DLG2: variants seen among roughly 807,000 people sequenced by gnomAD.
DLG2 encodes disks large homolog 2.
In DLG2, 45 loss-of-function variants were observed where a neutral mutation model predicts 132.5. The observed-to-expected ratio is 0.34, with a 90% CI of 0.27 to 0.44. DLG2 has a LOEUF of 0.44. DLG2 is among the 20% of genes least tolerant of loss of function. The probability of loss-of-function intolerance (pLI) is 1.00; values close to 1 mark genes in which losing one functional copy is unlikely to be tolerated. For missense variants in DLG2, 1,045 were observed against 1,196.9 expected, an observed-to-expected ratio of 0.87 and a Z score of 1.87; for synonymous variants, 424 against 419.6, an observed-to-expected ratio of 1.01 and a Z score of -0.13.
intron 7 of DLG2, among the ~76,000 whole-genome samples, chr11:84,417,286 C>G (rs1042097744): frequency 6.6e-6 from 1 of 152,134 alleles, no homozygotes; most frequent in Non-Finnish European, 1.5e-5. Flanking sequence ...ATTCAACTTC[C>G]CCTCCTATAA....
At chr11:85,314,487 C>T (rs2080519730) in intron 3 of DLG2, among the ~76,000 whole-genome samples, 1 of 151,740 alleles carries the variant, frequency 6.6e-6, no homozygotes, top group African/African-American at 2.4e-5. Context: ...TACATGCACA[C>T]ACATATACAT....
intron 6 of DLG2, among the ~76,000 whole-genome samples, chr11:84,621,167 G>A (rs1391305802): frequency 2.6e-5 from 4 of 152,018 alleles, no homozygotes; most frequent in Admixed American, 2.6e-4. Context: ...ACTTGGAGGA[G>A]GGGCTTATGG....
intron 7 of DLG2, among the ~76,000 whole-genome samples, chr11:84,480,590 A>T (rs1478485040): frequency 6.6e-6 from 1 of 152,138 alleles, no homozygotes; most frequent in Non-Finnish European, 1.5e-5. Context: ...TAATCCCATT[A>T]TTGGTATGAA....
At chr11:84,946,977 C>T (rs1441023013) in intron 6 of DLG2, among the ~76,000 whole-genome samples, 2 of 152,160 alleles carry the variant, frequency 1.3e-5, no homozygotes, top group East Asian at 3.9e-4. Context: ...CTCTGTGTTG[C>T]TTTCCATTAT....
intron 2 of DLG2, among the ~76,000 whole-genome samples, chr11:85,601,579 T>G (rs2080165868): frequency 6.6e-6 from 1 of 152,146 alleles, no homozygotes. Flanking sequence ...GACCTTGTGA[T>G]CCACCCACCT....
At chr11:84,244,163 T>C (rs1278689467) in intron 8 of DLG2, among the ~76,000 whole-genome samples, 3 of 152,110 alleles carry the variant, frequency 2.0e-5, no homozygotes, top group African/African-American at 7.2e-5. Flanking sequence ...ATCCCAGACC[T>C]AGTGAATCAG....
intron 19 of DLG2, among the ~76,000 whole-genome samples, chr11:83,592,005 A>C (rs2097196215): frequency 6.8e-6 from 1 of 147,756 alleles, no homozygotes; most frequent in East Asian, 2.1e-4. Flanking sequence ...ATACAAACAA[A>C]TGGAAGAACA....
In DLG2 at chr11:84,846,992, A is replaced by G. The variant is rs539264425; in HGVS notation, c.357+264669T>C. ...CAGGCTTCCATATGAGTGCAGTCCC[A>G]GCTGCTATTTGAATACTGTCAATTT... On this transcript the variant is annotated intron_variant, in intron 6 of 27. Transcript: ENST00000376104. Among the ~76,000 whole-genome samples, 74 of 152,258 alleles carry G rather than the reference A, an allele frequency of 4.9e-4. 2 individuals are homozygous for G. The highest frequency in any genetic ancestry group is 1.7e-3 in the African/African-American group (72 of 41,580).
chr11:85,514,300 G>A (rs1327003514), intron 3 of DLG2, among the ~76,000 whole-genome samples: 1 of 151,960 alleles, frequency 6.6e-6, no homozygotes, highest in African/African-American at 2.4e-5. Context: ...AGTTTTTACA[G>A]CTCATTGGTG....
intron 6 of DLG2, among the ~76,000 whole-genome samples, chr11:84,835,341 G>A (rs2079605006): frequency 6.6e-6 from 1 of 151,550 alleles, no homozygotes; most frequent in South Asian, 2.1e-4. Flanking sequence ...ATCTTCCTGT[G>A]TTTGCTTTAT....
chr11:85,370,436 G>A (rs891318164), intron 3 of DLG2, among the ~76,000 whole-genome samples: 1 of 152,340 alleles, frequency 6.6e-6, no homozygotes, highest in South Asian at 2.1e-4. Flanking sequence ...GGTTCTTCAT[G>A]TGAACGTATT....
intron 5 of DLG2, chr11:85,132,808 T>G (rs977469117): frequency 8.8e-6 from 4 of 456,612 alleles, no homozygotes; most frequent in Non-Finnish European, 1.8e-5. Context: ...CCTGGATCCC[T>G]ACACAGGACT....
At chr11:85,292,670 G>A (rs190238837) in intron 3 of DLG2, among the ~76,000 whole-genome samples, 2,377 of 21,100 alleles carry the variant, frequency 0.11, 116 homozygotes, top group Middle Eastern at 0.2. Flanking sequence ...GGGAGGGAGG[G>A]AGGGAGGGAG....
intron 10 of DLG2, among the ~76,000 whole-genome samples, chr11:84,063,603 C>T (rs986609214): frequency 6.6e-6 from 1 of 152,106 alleles, no homozygotes; most frequent in Admixed American, 6.6e-5. Flanking sequence ...CCCAGCCATC[C>T]CATTACTGGG....
chr11:85,246,397 T>C (rs1383820244), intron 4 of DLG2, among the ~76,000 whole-genome samples: 1 of 152,012 alleles, frequency 6.6e-6, no homozygotes, highest in Non-Finnish European at 1.5e-5. Flanking sequence ...AATATGAACC[T>C]TGAATTCCAT....
chr11:85,041,790 ACT>A (rs2061890904), intron 6 of DLG2, among the ~76,000 whole-genome samples: 1 of 151,774 alleles, frequency 6.6e-6, no homozygotes, highest in Non-Finnish European at 1.5e-5. Context: ...GAAAGGAAGA[ACT>A]CTCTGTTTTT....
chr11:85,021,049 G>T, intron 6 of DLG2: 1 of 772,678 alleles, frequency 1.3e-6, no homozygotes, highest in Non-Finnish European at 2.4e-6. Flanking sequence ...ATTTCTTCCA[G>T]GTTTCCCAGG....
Position 85,255,706 on chromosome 11 carries a change from TTA to T in DLG2, c.186+29512_186+29513del, listed in dbSNP as rs2076632548. On this transcript the variant is annotated intron_variant, in intron 4 of 27. Transcript: ENST00000376104. ...TATATTTGAAAATGACTTCTAATTA[TTA>T]TATGTTTGGTCTTTGCATTGGAAGA... is the stretch of plus-strand genomic sequence containing the variant. Among the ~76,000 whole-genome samples the T allele has an allele frequency of 2.6e-5, 4 of 152,298 alleles. No individual in the cohort carries two copies. The South Asian group carries it at 8.3e-4, about 32-fold the overall frequency.
chr11:83,688,681 C>T (rs1160057299), intron 18 of DLG2, among the ~76,000 whole-genome samples: 1 of 152,118 alleles, frequency 6.6e-6, no homozygotes, highest in African/African-American at 2.4e-5. Context: ...ATATTGATGT[C>T]ATATACATCA....
Sources: allele counts gnomAD v4.1 joint callset (sites outside exome capture counted in the v4.1 genomes callset), GRCh38; gene constraint gnomAD v4.1.1; transcripts MANE v1.5; gene names NCBI Gene and HGNC (gene_info 2026-07-23, HGNC 2026-07-21).